Variants in GPM6A observed in about 807,000 individuals in gnomAD.
GPM6A encodes the protein neuronal membrane glycoprotein M6-a.
GPM6A carries 7 observed loss-of-function variants against 32.1 expected under a neutral mutation model. The ratio of observed to expected loss-of-function variants is 0.22; its 90% CI spans 0.12 to 0.41. GPM6A has a LOEUF of 0.41. Ranked by LOEUF, GPM6A falls within the 10% of genes least tolerant of loss-of-function variation. The pLI, the probability that GPM6A is intolerant of heterozygous loss-of-function variation, is 1.00. For synonymous variants in GPM6A, 130 were observed against 123.4 expected (o/e 1.05, Z -0.35); for missense variants, 235 against 347.2 (o/e 0.68, Z 2.57).
Position 175,749,754 on chromosome 4 carries a change from C to A in GPM6A, c.38-47987G>T, listed in dbSNP as rs182580133. Among the ~76,000 whole-genome samples, 103 of 152,234 alleles carry A rather than the reference C, an allele frequency of 6.8e-4. 1 individual carries two copies. Among genetic ancestry groups the A allele is most frequent in the Admixed American group, 3.4e-3 (52 of 15,280 alleles). On this transcript the variant is annotated intron_variant, in intron 1 of 6. Transcript: ENST00000393658. ...AATCACCCTTACTTTTTTATATTTA[C>A]ATAAAATGTCATGATAATCAGGGTG...
chr4:175,691,864 G>A (rs957420188), intron 2 of GPM6A, among the ~76,000 whole-genome samples: 7 of 152,144 alleles, frequency 4.6e-5, no homozygotes, highest in African/African-American at 1.7e-4. Context: ...AGAGAGAGGC[G>A]AGAGAGACAG....
chr4:175,721,024 T>C (rs1746088599), intron 1 of GPM6A, among the ~76,000 whole-genome samples: 1 of 137,690 alleles, frequency 7.3e-6, no homozygotes, highest in Non-Finnish European at 1.6e-5. Flanking sequence ...TATATATATA[T>C]ACTAGTACAT....
intron 1 of GPM6A, among the ~76,000 whole-genome samples, chr4:175,830,821 C>A (rs926064580): frequency 2.0e-5 from 3 of 146,936 alleles, no homozygotes; most frequent in Admixed American, 2.0e-4. Flanking sequence ...TTTTTTTTTT[C>A]ATATTGATTT....
intron 6 of GPM6A, among the ~76,000 whole-genome samples, chr4:175,637,341 T>A (rs1579324543): frequency 3.6e-5 from 3 of 82,330 alleles, no homozygotes; most frequent in African/African-American, 9.6e-5. Context: ...ATATTATATA[T>A]TATATAAAAA....
At chr4:175,966,082 C>T (rs1255857126) in intron 1 of GPM6A, among the ~76,000 whole-genome samples, 2 of 152,044 alleles carry the variant, frequency 1.3e-5, no homozygotes, top group Non-Finnish European at 2.9e-5. Flanking sequence ...TAGACCTTTG[C>T]AATGAAATGA....
chr4:175,747,684 G>T (rs1359417861), intron 1 of GPM6A, among the ~76,000 whole-genome samples: 1 of 152,124 alleles, frequency 6.6e-6, no homozygotes, highest in African/African-American at 2.4e-5. Flanking sequence ...TAATCTTTTT[G>T]CTGGTGGAGG....
chr4:175,656,168 C>T (rs568034666), intron 3 of GPM6A, among the ~76,000 whole-genome samples: 2 of 151,518 alleles, frequency 1.3e-5, no homozygotes, highest in African/African-American at 2.4e-5. Context: ...TCCTCTTGAC[C>T]CACAAAAAAA....
chr4:175,641,100 T>C (rs1741116501), intron 4 of GPM6A: 2 of 428,254 alleles, frequency 4.7e-6, no homozygotes, highest in Non-Finnish European at 8.5e-6. Context: ...GACTCAATTA[T>C]AGCCAGTTTA....
chr4:175,908,965 C>T (rs1291761730), intron 1 of GPM6A, among the ~76,000 whole-genome samples: 2 of 135,944 alleles, frequency 1.5e-5, no homozygotes, highest in South Asian at 2.3e-4. Context: ...GTTTTCCCAT[C>T]GCTCTTGAAC....
At chr4:175,938,934 G>T (rs1579645422) in intron 1 of GPM6A, among the ~76,000 whole-genome samples, 1 of 151,924 alleles carries the variant, frequency 6.6e-6, no homozygotes, top group Admixed American at 6.6e-5. Context: ...ACATTCTAAG[G>T]TTTCACCAAA....
chr4:175,743,031 T>G (rs1731951286), intron 1 of GPM6A, among the ~76,000 whole-genome samples: 1 of 152,046 alleles, frequency 6.6e-6, no homozygotes, highest in African/African-American at 2.4e-5. Flanking sequence ...TGTTAAAATA[T>G]TTTGCAAGAA....
At chr4:175,962,456 AC>A (rs1203698932) in intron 1 of GPM6A, 12 of 659,566 alleles carry the variant, frequency 1.8e-5, no homozygotes, top group Non-Finnish European at 3.2e-5. Context: ...CAATAAGGCA[AC>A]CTTTTTTGCT....
At chr4:175,759,857 A>C (rs932729465) in intron 1 of GPM6A, among the ~76,000 whole-genome samples, 1 of 152,126 alleles carries the variant, frequency 6.6e-6, no homozygotes, top group Non-Finnish European at 1.5e-5. Context: ...ATAGACTATT[A>C]CCAGAAAGAA....
chr4:175,710,704 A>G (rs1186073929), intron 1 of GPM6A, among the ~76,000 whole-genome samples: 2 of 152,154 alleles, frequency 1.3e-5, no homozygotes, highest in African/African-American at 4.8e-5. Context: ...CTCAGGAGAC[A>G]TATTTTCCCC....
At chr4:175,855,400 G>A (rs1316733019) in intron 1 of GPM6A, among the ~76,000 whole-genome samples, 1 of 152,106 alleles carries the variant, frequency 6.6e-6, no homozygotes, top group Non-Finnish European at 1.5e-5. Context: ...TTAGGACAGA[G>A]GATCCCAGGA....
At chr4:175,870,423 T>G (rs1449363604) in intron 1 of GPM6A, among the ~76,000 whole-genome samples, 1 of 152,140 alleles carries the variant, frequency 6.6e-6, no homozygotes, top group Non-Finnish European at 1.5e-5. Flanking sequence ...CTTTATTCAC[T>G]CAAAATGTTA....
upstream of GPM6A, chr4:175,812,289 G>A (rs1579530602): frequency 2.3e-6 from 2 of 853,542 alleles, no homozygotes; most frequent in African/African-American, 2.4e-5. Context: ...TTAGATGTTG[G>A]AAAAACTGGG....
intron 1 of GPM6A, among the ~76,000 whole-genome samples, chr4:175,809,406 A>G (rs1188393081): frequency 6.6e-6 from 1 of 152,004 alleles, no homozygotes; most frequent in Non-Finnish European, 1.5e-5. Flanking sequence ...CTATACTAGA[A>G]TATCATTGTT....
chr4:175,872,493 C>A (rs904481393), intron 1 of GPM6A, among the ~76,000 whole-genome samples: 2 of 152,120 alleles, frequency 1.3e-5, no homozygotes, highest in Admixed American at 6.5e-5. Flanking sequence ...GTATGCATAA[C>A]TAAGGCAAAG....
Sources: allele counts gnomAD v4.1 joint callset (sites outside exome capture counted in the v4.1 genomes callset), GRCh38; gene constraint gnomAD v4.1.1; transcripts MANE v1.5; gene names NCBI Gene and HGNC (gene_info 2026-07-23, HGNC 2026-07-21).